MACROD2: variants seen among roughly 807,000 people sequenced by gnomAD.
MACROD2 encodes ADP-ribose glycohydrolase MACROD2.
MACROD2 carries 36 observed loss-of-function variants against 70.4 expected under a neutral mutation model. The observed-to-expected ratio is 0.51, with a 90% CI of 0.39 to 0.68. The LOEUF (loss-of-function observed/expected upper bound fraction) is 0.68, where lower values mean the gene tolerates loss of function less well. MACROD2 is among the 30% of genes least tolerant of loss of function. The pLI is 0.00. For missense variants in MACROD2, 496 were observed against 538.4 expected, an observed-to-expected ratio of 0.92 and a Z score of 0.78; for synonymous variants, 172 against 178.8, an observed-to-expected ratio of 0.96 and a Z score of 0.30.
At chr20:14,978,916 T>C (rs2074770953) in intron 5 of MACROD2, among the ~76,000 whole-genome samples, 1 of 134,984 alleles carries the variant, frequency 7.4e-6, no homozygotes, top group African/African-American at 3.1e-5. Context: ...TTATATATAA[T>C]ATATATCATA....
At chr20:15,498,436 C>G (rs941465708) in intron 7 of MACROD2, among the ~76,000 whole-genome samples, 1 of 152,082 alleles carries the variant, frequency 6.6e-6, no homozygotes, top group Non-Finnish European at 1.5e-5. Context: ...CCAGGAGACT[C>G]TGGACCAGAA....
chr20:15,449,314 T>C (rs543715552), intron 7 of MACROD2, among the ~76,000 whole-genome samples: 1 of 150,150 alleles, frequency 6.7e-6, no homozygotes, highest in Admixed American at 6.6e-5. Context: ...AACAACAACA[T>C]GTGACTAGAG....
At chr20:15,166,860 AAATTT>A (rs1298431383) in intron 5 of MACROD2, among the ~76,000 whole-genome samples, 5 of 151,122 alleles carry the variant, frequency 3.3e-5, no homozygotes, top group African/African-American at 1.2e-4. Flanking sequence ...TTAAATTATT[AAATTT>A]AAGTATTAAC....
intron 15 of MACROD2, among the ~76,000 whole-genome samples, chr20:16,013,995 C>T (rs186510057): frequency 1.1e-4 from 16 of 152,266 alleles, no homozygotes; most frequent in Admixed American, 2.6e-4. Context: ...TTTTTAACTG[C>T]GACATTTAAC....
chr20:14,237,563 T>C (rs2081888522), intron 3 of MACROD2, among the ~76,000 whole-genome samples: 1 of 151,680 alleles, frequency 6.6e-6, no homozygotes, highest in South Asian at 2.1e-4. Context: ...TTATTATACT[T>C]TAAGTTTTAG....
intron 6 of MACROD2, among the ~76,000 whole-genome samples, chr20:15,323,310 A>G (rs1394537965): frequency 6.6e-6 from 1 of 152,188 alleles, no homozygotes; most frequent in East Asian, 1.9e-4. Flanking sequence ...AAAGTCTATA[A>G]TGCTTAAAGA....
rs1375274188 is a variant in MACROD2, at chr20:15,649,075, CCCCTT to C, written c.645+149233_645+149237del. Among the ~76,000 whole-genome samples the C allele has an allele frequency of 5.7e-4, 38 of 67,064 alleles. 2 individuals are homozygous for C. Among genetic ancestry groups the C allele is most frequent in the Middle Eastern group, 0.01 (1 of 98 alleles). 44.0% of individuals were successfully genotyped at this position (67,064 alleles called of 152,430 possible). On this transcript the variant is annotated intron_variant, in intron 8 of 17. Coordinates refer to ENST00000684519, the MANE Select transcript of MACROD2 (RefSeq NM_001351661.2). ...TTGCTTTTTTCTTTTCTCCTCCCCT[CCCCTT>C]CCCTCCCCTTCCCTCCCCTCCCCTC... is the stretch of plus-strand genomic sequence containing the variant.
chr20:15,749,116 T>C (rs1206600892), intron 8 of MACROD2, among the ~76,000 whole-genome samples: 1 of 152,164 alleles, frequency 6.6e-6, no homozygotes, highest in Non-Finnish European at 1.5e-5. Context: ...AATTAACTTT[T>C]GGATTAATAA....
chr20:16,027,957 G>A (rs959876919), intron 15 of MACROD2, among the ~76,000 whole-genome samples: 2 of 152,182 alleles, frequency 1.3e-5, no homozygotes. Context: ...AATGCATAAT[G>A]AGGCTGAATG....
chr20:15,658,947 C>T (rs1162960180), intron 8 of MACROD2, among the ~76,000 whole-genome samples: 1 of 152,202 alleles, frequency 6.6e-6, no homozygotes, highest in Non-Finnish European at 1.5e-5. Context: ...CCAAGACTCA[C>T]TCAAGCATGC....
intron 8 of MACROD2, among the ~76,000 whole-genome samples, chr20:15,710,980 G>C (rs2050617571): frequency 6.6e-6 from 1 of 152,094 alleles, no homozygotes. Context: ...GCCCTTTATA[G>C]AAACAGAATT....
At chr20:14,890,361 C>A (rs972596372) in intron 5 of MACROD2, among the ~76,000 whole-genome samples, 7 of 152,026 alleles carry the variant, frequency 4.6e-5, no homozygotes, top group African/African-American at 1.4e-4. Context: ...GGACAGGAAC[C>A]AGAGAAAGAG....
intron 5 of MACROD2, among the ~76,000 whole-genome samples, chr20:15,145,040 C>T (rs2076220507): frequency 6.6e-6 from 1 of 152,108 alleles, no homozygotes; most frequent in South Asian, 2.1e-4. Flanking sequence ...TATTGGAAAT[C>T]CAAACTCTAG....
intron 5 of MACROD2, among the ~76,000 whole-genome samples, chr20:15,132,279 A>G (rs2076112164): frequency 6.6e-6 from 1 of 152,058 alleles, no homozygotes; most frequent in Admixed American, 6.5e-5. Context: ...GGTGGTGGTA[A>G]GAGATGTTAA....
Position 15,371,496 on chromosome 20 carries a change from GTGAGTAAAGACC to G in MACROD2, c.541-59908_541-59897del, listed in dbSNP as rs2045493590. Among the ~76,000 whole-genome samples the G allele has an allele frequency of 2.0e-5, 3 of 152,272 alleles. No individual in the cohort carries two copies. In the South Asian group the frequency reaches 6.2e-4, roughly 32 times the overall value. On this transcript the variant is annotated intron_variant, in intron 6 of 17. Transcript: ENST00000684519. ...AGTTTAATAATCACTTAAACTGGTG[GTGAGTAAAGACC>G]ACCAACAGTGCTATAGTAAAAGGAA...
chr20:14,776,116 G>A (rs454775), intron 5 of MACROD2, among the ~76,000 whole-genome samples: 72,605 of 151,528 alleles, frequency 0.48, 18,832 homozygotes, highest in Non-Finnish European at 0.58. Flanking sequence ...ACTGAAGAAT[G>A]CAGACTGAAC....
At chr20:15,089,456 G>T (rs1334624648) in intron 5 of MACROD2, among the ~76,000 whole-genome samples, 1 of 152,114 alleles carries the variant, frequency 6.6e-6, no homozygotes, top group Non-Finnish European at 1.5e-5. Flanking sequence ...AGTAAAATCT[G>T]CCAGAGGCTG....
chr20:15,637,381 C>T (rs2049386487), intron 8 of MACROD2, among the ~76,000 whole-genome samples: 1 of 152,182 alleles, frequency 6.6e-6, no homozygotes, highest in South Asian at 2.1e-4. Flanking sequence ...AGCTCCCAAA[C>T]AGTTCAATGG....
At chr20:14,081,633 A>G (rs994285778) in intron 2 of MACROD2, among the ~76,000 whole-genome samples, 4 of 152,228 alleles carry the variant, frequency 2.6e-5, no homozygotes, top group African/African-American at 7.2e-5. Flanking sequence ...GGAAAAAGAT[A>G]CATTGAGATC....
Sources: allele counts gnomAD v4.1 joint callset (sites outside exome capture counted in the v4.1 genomes callset), GRCh38; gene constraint gnomAD v4.1.1; transcripts MANE v1.5; gene names NCBI Gene and HGNC (gene_info 2026-07-23, HGNC 2026-07-21).